The following ZMYM2 variants were observed in gnomAD, a reference collection of about 807,000 sequenced individuals.
ZMYM2 encodes the protein zinc finger MYM-type protein 2.
Under a neutral mutation model 162.8 loss-of-function variants are expected in ZMYM2, and 56 were observed. The observed-to-expected ratio is 0.34, with a 90% CI of 0.28 to 0.43. ZMYM2 has a LOEUF of 0.43. ZMYM2 is among the 20% of genes least tolerant of loss of function. ZMYM2 has a pLI of 1.00. For missense variants in ZMYM2, 1,275 were observed against 1,621.8 expected (o/e 0.79, Z 3.67); for synonymous variants, 510 against 541.6 (o/e 0.94, Z 0.81).
chr13:19,907,288 T>A, the ZMYM2 span, among the ~76,000 whole-genome samples: 1 of 152,344 alleles, frequency 6.6e-6, no homozygotes, highest in South Asian at 2.1e-4. Context: ...ATGAATCTTT[T>A]ATCCGGACAA....
chr13:19,959,024 G>A (rs1407664881), intron 1 of ZMYM2, among the ~76,000 whole-genome samples, 183 bp downstream of exon 1: 2 of 151,812 alleles, frequency 1.3e-5, no homozygotes, highest in African/African-American at 4.8e-5. Context: ...GGCCGCCGTC[G>A]CCGCTGCCGC....
At chr13:20,036,536 T>G (rs1478555222) in intron 11 of ZMYM2, among the ~76,000 whole-genome samples, 1 of 152,202 alleles carries the variant, frequency 6.6e-6, no homozygotes, top group Non-Finnish European at 1.5e-5. Context: ...AAACATTATT[T>G]TAACCCACAT....
intron 2 of ZMYM2, among the ~76,000 whole-genome samples, chr13:19,973,077 C>T (rs1566186604): frequency 1.3e-5 from 2 of 151,780 alleles, no homozygotes; most frequent in Admixed American, 6.6e-5. Context: ...GCTGGGATTA[C>T]AGGTGCCCGC....
intron 9 of ZMYM2, 129 bp downstream of exon 9, chr13:20,027,447 A>T (rs540606043): frequency 1.5e-6 from 1 of 667,766 alleles, no homozygotes; most frequent in Non-Finnish European, 2.3e-6. Flanking sequence ...TGGAAGGTGG[A>T]TATCCTAGTC....
chr13:19,883,927 C>G, the ZMYM2 span, among the ~76,000 whole-genome samples: 1 of 152,162 alleles, frequency 6.6e-6, no homozygotes, highest in Non-Finnish European at 1.5e-5. Flanking sequence ...TGGCTAATTT[C>G]TGTATTTTTA....
chr13:19,977,187 T>C (rs990989060), intron 2 of ZMYM2, among the ~76,000 whole-genome samples: 2 of 150,776 alleles, frequency 1.3e-5, no homozygotes, highest in Admixed American at 6.6e-5. Flanking sequence ...AGTGAATCTT[T>C]TTCTTTTTCT....
At chr13:19,921,539 A>G in the ZMYM2 span, among the ~76,000 whole-genome samples, 2 of 152,148 alleles carry the variant, frequency 1.3e-5, no homozygotes, top group African/African-American at 4.8e-5. Flanking sequence ...TGTCTTGCTT[A>G]TGAATATACT....
At chr13:19,943,761 T>C in the ZMYM2 span, among the ~76,000 whole-genome samples, 2 of 152,312 alleles carry the variant, frequency 1.3e-5, no homozygotes, top group East Asian at 3.9e-4. Flanking sequence ...CTAAAACTGC[T>C]CTTGCCCCGT....
At chr13:20,031,240 T>A in intron 9 of ZMYM2, 79 bp from the exon 10 acceptor site, 1 of 965,836 alleles carries the variant, frequency 1.0e-6, no homozygotes, top group Non-Finnish European at 1.5e-6. Context: ...TTTCTGGACA[T>A]CGTAGATATA....
At chr13:20,066,747 C>G (rs781109059) in intron 19 of ZMYM2, 104 bp from the exon 20 acceptor site, 3 of 1,190,152 alleles carry the variant, frequency 2.5e-6, no homozygotes, top group Non-Finnish European at 3.3e-6. Flanking sequence ...CCATGTTGCT[C>G]AAGGGTCAAT....
At chr13:19,914,015 A>G in the ZMYM2 span, among the ~76,000 whole-genome samples, 146,977 of 152,312 alleles carry the variant, frequency 0.96, 71,169 homozygotes, top group East Asian at 1. Context: ...CCAGTAGGCA[A>G]AACTTGGGAC....
the ZMYM2 span, among the ~76,000 whole-genome samples, chr13:19,879,672 C>G: frequency 6.6e-6 from 1 of 152,134 alleles, no homozygotes; most frequent in East Asian, 1.9e-4. Flanking sequence ...TTTTCTATTT[C>G]TACAAAAGAC....
At chr13:19,989,258 T>G (rs1949417488) in intron 2 of ZMYM2, among the ~76,000 whole-genome samples, 1 of 152,224 alleles carries the variant, frequency 6.6e-6, no homozygotes, top group Non-Finnish European at 1.5e-5. Context: ...TAGGTGTTTT[T>G]GTGGGTACAC....
At chr13:20,066,540 G>A (rs1956690965) in intron 19 of ZMYM2, 1 of 221,246 alleles carries the variant, frequency 4.5e-6, no homozygotes, top group Non-Finnish European at 8.8e-6. Flanking sequence ...GAATCATATG[G>A]GAGAGAAAAT....
chr13:20,080,041 C>T (rs1334269312), intron 21 of ZMYM2, among the ~76,000 whole-genome samples: 1 of 152,128 alleles, frequency 6.6e-6, no homozygotes, highest in Admixed American at 6.6e-5. Context: ...TTTATAGTCC[C>T]GTTAAATAGC....
the ZMYM2 span, among the ~76,000 whole-genome samples, chr13:19,877,512 A>T: frequency 5.3e-5 from 8 of 152,296 alleles, 1 homozygote; most frequent in African/African-American, 1.9e-4. Context: ...TTCATGAGGG[A>T]TCCATCCCCA....
the ZMYM2 span, among the ~76,000 whole-genome samples, chr13:19,907,046 C>G: frequency 6.6e-6 from 1 of 151,994 alleles, no homozygotes; most frequent in Non-Finnish European, 1.5e-5. Context: ...TTTCTTTTAC[C>G]TCTTGTTCAT....
intron 21 of ZMYM2, among the ~76,000 whole-genome samples, chr13:20,076,777 CAT>C (rs1207078614): frequency 6.6e-6 from 1 of 150,436 alleles, no homozygotes; most frequent in Non-Finnish European, 1.5e-5. Flanking sequence ...TATTAAAATA[CAT>C]AGAGGATTTC....
At chr13:19,967,370 G>A (rs1303075913) in intron 2 of ZMYM2, among the ~76,000 whole-genome samples, 1 of 151,996 alleles carries the variant, frequency 6.6e-6, no homozygotes, top group Non-Finnish European at 1.5e-5. Flanking sequence ...GAAGGGTAAC[G>A]ACTTAATTTT....
Sources: allele counts gnomAD v4.1 joint callset (sites outside exome capture counted in the v4.1 genomes callset), GRCh38; gene constraint gnomAD v4.1.1; transcripts MANE v1.5; gene names NCBI Gene and HGNC (gene_info 2026-07-23, HGNC 2026-07-21).